GATA5: variants seen among roughly 807,000 people sequenced by gnomAD.
GATA5 encodes GATA binding protein 5.
In GATA5, 27 loss-of-function variants were observed where a neutral mutation model predicts 35.0. The observed-to-expected ratio is 0.77, with a 90% CI of 0.57 to 1.06. The LOEUF (loss-of-function observed/expected upper bound fraction) is 1.06. GATA5 is among the 50% of genes least tolerant of loss of function. The pLI is 0.00. For missense variants in GATA5, 612 were observed against 580.0 expected (o/e 1.06, Z -0.57); for synonymous variants, 306 against 267.8 (o/e 1.14, Z -1.39).
intron 3 of GATA5, 44 bp from the exon 4 acceptor site, chr20:62,466,595 G>T (rs548885139): frequency 3.9e-6 from 6 of 1,530,708 alleles, no homozygotes; most frequent in Non-Finnish European, 5.3e-6. Context: ...GGCCGGGTGC[G>T]CGGCTGGAGC....
In GATA5 at chr20:62,475,453, C is replaced by A; in HGVS notation, c.69G>T (p.Leu23=). 1 of 1,342,320 alleles carries A rather than the reference C, an allele frequency of 7.4e-7. No individual in the cohort carries two copies. Among genetic ancestry groups the A allele is most frequent in the Non-Finnish European group, 9.5e-7 (1 of 1,051,796 alleles). 83.2% of individuals were successfully genotyped at this position (1,342,320 alleles called of 1,614,324 possible). The change falls in exon 2 of 7, where the codon CTG becomes CTT. Residue 23 remains leucine, a synonymous_variant. Transcript: ENST00000252997. ...QAAYADSGSF[L]HAPGAGSPMF... ...TCGGAGAGCCGGCGCCCGGAGCGTG[C>A]AGGAAGGAGCCCGAGTCGGCGTAGG... is the stretch of plus-strand genomic sequence containing the variant.
Position 62,464,683 on chromosome 20 carries a change from G to C in GATA5, c.*153C>G. On this transcript the variant is annotated 3_prime_UTR_variant, in exon 7 of 7. Transcript: ENST00000252997. ...GGCCCGACTGCCGTCTGTCCAGAAGGCCTCCCCACCACTGTGTGGAGACTC... is the reference window on the plus strand; with the variant it reads ...GGCCCGACTGCCGTCTGTCCAGAAGCCCTCCCCACCACTGTGTGGAGACTC... The C allele has an allele frequency of 3.1e-6, 2 of 648,618 alleles. No individual in the cohort carries two copies. The highest frequency in any genetic ancestry group is 5.0e-6 in the Non-Finnish European group (2 of 399,194). The allele number at this position is 648,618 out of a possible 1,614,324, so 40.2% of individuals were successfully genotyped here. A position where few individuals can be genotyped will look rare whatever the true frequency, so the allele number is the denominator to read the frequency against.
At chr20:62,467,451 G>A (rs972909681) in intron 3 of GATA5, among the ~76,000 whole-genome samples, 5 of 152,316 alleles carry the variant, frequency 3.3e-5, no homozygotes, top group East Asian at 1.9e-4. Context: ...GCCCTTTCCC[G>A]AATCTCAGAG....
At chr20:62,473,092 C>T (rs966133005) in intron 3 of GATA5, among the ~76,000 whole-genome samples, 3 of 152,224 alleles carry the variant, frequency 2.0e-5, no homozygotes, top group Admixed American at 2.0e-4. Flanking sequence ...TTCTTGGACC[C>T]AGCACTCAGC....
At chr20:62,473,691 TA>T in intron 2 of GATA5, 113 bp from the exon 3 acceptor site, 1 of 922,618 alleles carries the variant, frequency 1.1e-6, no homozygotes, top group Non-Finnish European at 1.6e-6. Flanking sequence ...GTCAGACGAA[TA>T]AACTTAAGGC....
Position 62,464,826 on chromosome 20 carries a change from G to T in GATA5, c.*10C>A. On this transcript the variant is annotated 3_prime_UTR_variant, in exon 7 of 7. Transcript: ENST00000252997. ...CAGGCTGTTCCCCTGACATGGGCTG[G>T]CCTGGGGACCTAGGCCAAGGCCAGC... 1.3e-6 allele frequency: 2 copies of T among 1,581,104 alleles called. No individual in the cohort carries two copies. The highest frequency in any genetic ancestry group is 1.4e-5 in the African/African-American group (1 of 73,432).
rs753656900 is a variant in GATA5 at position 62,473,407 on chromosome 20, C to A, written c.695G>T (p.Arg232Leu). 2 of 1,603,840 alleles carry A rather than the reference C, an allele frequency of 1.2e-6. No individual in the cohort carries two copies. Among genetic ancestry groups the A allele is most frequent in the African/African-American group, 2.7e-5 (2 of 74,810 alleles). The change falls in exon 3 of 7, where the codon CGC becomes CTC. Residue 232 changes from arginine (R) to leucine (L), a missense_variant. By Grantham distance (102) the Arg-to-Leu change is moderately radical. Transcript: ENST00000252997. Reference protein sequence around the residue: ...VNRPLVRPQKRLSSSRRAGLC... With the variant: ...VNRPLVRPQKLLSSSRRAGLC... ...CTCTGCCCAGCCCGAACTCACCAGG[C>A]GCTTCTGAGGCCGAACGAGCGGCCG...
Position 62,475,123 on chromosome 20 carries a change from C to T in GATA5, c.399G>A (p.Pro133=), listed in dbSNP as rs1247843680. Residue 133 remains proline, a synonymous_variant, in exon 2 of 7, where the codon CCG becomes CCA. Transcript: ENST00000252997. The part of the protein sequence containing the change: ...REQFAAPLGR[P]VGTSYSATYP... ...AGGTGGCGGAGTACGAGGTCCCCACCGGCCGCCCAAGCGGGGCCGCGAACT... is the reference window on the plus strand; with the variant it reads ...AGGTGGCGGAGTACGAGGTCCCCACTGGCCGCCCAAGCGGGGCCGCGAACT... 4 of 1,377,392 alleles carry T rather than the reference C, an allele frequency of 2.9e-6. No individual in the cohort carries two copies. The highest frequency in any genetic ancestry group is 3.0e-5 in the African/African-American group (2 of 65,942). 85.3% of individuals were successfully genotyped at this position (1,377,392 alleles called of 1,614,324 possible). A position where few individuals can be genotyped will look rare whatever the true frequency, so the allele number is the denominator to read the frequency against.
intron 3 of GATA5, among the ~76,000 whole-genome samples, chr20:62,471,897 T>C (rs6121614): frequency 0.5 from 74,184 of 147,104 alleles, 18,574 homozygotes; most frequent in South Asian, 0.66. Flanking sequence ...TCTGACTAAT[T>C]TCTTTTTTTT....
In GATA5 at chr20:62,464,547, T is replaced by A. The variant is rs1989526779; in HGVS notation, c.*289A>T. On this transcript the variant is annotated 3_prime_UTR_variant, in exon 7 of 7. Transcript: ENST00000252997. ...GTGGTGGTGGTGCCCTGCGTTGGCC[T>A]CCGCCGCAGGGGGCCAGTGTGGTCC... 1 of 304,888 alleles carries A rather than the reference T, an allele frequency of 3.3e-6. No homozygotes were observed. The highest frequency in any genetic ancestry group is 6.0e-6 in the Non-Finnish European group (1 of 165,990). 18.9% of individuals were successfully genotyped at this position (304,888 alleles called of 1,614,324 possible). A position where few individuals can be genotyped will look rare whatever the true frequency, so the allele number is the denominator to read the frequency against.
intron 2 of GATA5, among the ~76,000 whole-genome samples, chr20:62,474,756 C>G (rs1170359661): frequency 6.6e-6 from 1 of 152,386 alleles, no homozygotes; most frequent in African/African-American, 2.4e-5. Context: ...TTGGCACAAT[C>G]CGGAATGCTG....
rs1989512148 is a variant in GATA5, at chr20:62,464,080, G to A, written c.*756C>T. On this transcript the variant is annotated 3_prime_UTR_variant, in exon 7 of 7. Coordinates refer to ENST00000252997, the MANE Select transcript of GATA5 (RefSeq NM_080473.5). Reference sequence around the variant, plus strand: ...CCCCAACAGCGCTTGGATGGGTCAGGACAGGGCTACCAGACAATTCATTCT... The same window carrying A: ...CCCCAACAGCGCTTGGATGGGTCAGAACAGGGCTACCAGACAATTCATTCT... The A allele has an allele frequency of 6.6e-6, 1 of 152,230 alleles. No individual in the cohort carries two copies. The highest frequency in any genetic ancestry group is 6.5e-5 in the Admixed American group (1 of 15,286). 9.4% of individuals were successfully genotyped at this position (152,230 alleles called of 1,614,324 possible). A position where few individuals can be genotyped will look rare whatever the true frequency, so the allele number is the denominator to read the frequency against.
At chr20:62,474,058 T>C (rs1317729328) in intron 2 of GATA5, among the ~76,000 whole-genome samples, 27 of 131,902 alleles carry the variant, frequency 2.0e-4, no homozygotes, top group African/African-American at 7.4e-4. Flanking sequence ...CCTCCTGTTC[T>C]GCAAAGCGGG....
chr20:62,475,243 G>A lies in GATA5; in HGVS notation c.279C>T (p.Phe93=), dbSNP rs1555897010. 4 of 1,247,484 alleles carry A rather than the reference G, an allele frequency of 3.2e-6. No homozygotes were observed. Among genetic ancestry groups the A allele is most frequent in the Non-Finnish European group, 4.0e-6 (4 of 995,804 alleles). The allele number at this position is 1,247,484 out of a possible 1,614,324, so 77.3% of individuals were successfully genotyped here. ...PAAHPPGATA[F]PFAHSPSGPG... is the part of the protein sequence containing the mutation. ...GCCCCGAGGGGCTGTGCGCGAAAGGGAAGGCGGTGGCCCCGGGCGGGTGCG... is the reference window on the plus strand; with the variant it reads ...GCCCCGAGGGGCTGTGCGCGAAAGGAAAGGCGGTGGCCCCGGGCGGGTGCG... The change falls in exon 2 of 7, where the codon TTC becomes TTT. Residue 93 remains phenylalanine, a synonymous_variant. Transcript: ENST00000252997.
chr20:62,472,146 C>G (rs1489049882), intron 3 of GATA5, among the ~76,000 whole-genome samples: 4 of 152,166 alleles, frequency 2.6e-5, no homozygotes, highest in African/African-American at 9.7e-5. Context: ...GTCACAGCGG[C>G]ACACAAGCCA....
rs573161503 is a variant in GATA5 at position 62,473,817 on chromosome 20, T to C, written c.524-239A>G. Among the ~76,000 whole-genome samples the C allele has an allele frequency of 2.0e-5, 3 of 152,336 alleles. No homozygotes were observed. In the East Asian group the frequency reaches 5.8e-4, roughly 29 times the overall value. On this transcript the variant is annotated intron_variant, in intron 2 of 6. Coordinates refer to ENST00000252997, the MANE Select transcript of GATA5 (RefSeq NM_080473.5). ...TTCGCTAGGGTTGGTTTTTCGAGGATGGGGTGTTAATAAACAGAACCTGAA... is the reference window on the plus strand; with the variant it reads ...TTCGCTAGGGTTGGTTTTTCGAGGACGGGGTGTTAATAAACAGAACCTGAA...
chr20:62,469,537 C>T (rs782288656), intron 3 of GATA5, among the ~76,000 whole-genome samples: 4 of 152,246 alleles, frequency 2.6e-5, no homozygotes, highest in Non-Finnish European at 5.9e-5. Flanking sequence ...GACGGAGCCA[C>T]GTCTGAGACA....
chr20:62,466,594 C>G, intron 3 of GATA5, 43 bp from the exon 4 acceptor site: 1 of 1,530,824 alleles, frequency 6.5e-7, no homozygotes, highest in Non-Finnish European at 8.8e-7. Flanking sequence ...GGGCCGGGTG[C>G]GCGGCTGGAG....
Position 62,470,352 on chromosome 20 carries a change from C to T in GATA5, c.699+3051G>A, listed in dbSNP as rs576284515. On this transcript the variant is annotated intron_variant, in intron 3 of 6. Transcript: ENST00000252997. This position sits in a 1 kb window ranked among gnomAD's most constrained non-coding sequence, Gnocchi z 4.6. ...CCTCCTCTGAGATGGAAGACTGGGC[C>T]GTGGACAACCAGAGGCTGCTGTGCC... Among the ~76,000 whole-genome samples the T allele has an allele frequency of 2.9e-4, 44 of 152,294 alleles. No homozygotes were observed. In the South Asian group the frequency reaches 3.7e-3, roughly 13 times the overall value.
Sources: allele counts gnomAD v4.1 joint callset (sites outside exome capture counted in the v4.1 genomes callset), GRCh38; gene constraint gnomAD v4.1.1; non-coding constraint Gnocchi (gnomAD v3.1); transcripts MANE v1.5; gene names NCBI Gene and HGNC (gene_info 2026-07-23, HGNC 2026-07-21).